MAGI2: variants seen among roughly 807,000 people sequenced by gnomAD.
MAGI2 encodes the protein membrane-associated guanylate kinase, WW and PDZ domain-containing protein 2.
A neutral mutation model predicts 133.3 loss-of-function variants in MAGI2; 35 were observed. That is an observed-to-expected ratio of 0.26 (90% CI 0.20 to 0.35). MAGI2 has a LOEUF of 0.35. MAGI2 is among the 10% of genes least tolerant of loss of function. The probability of loss-of-function intolerance (pLI) is 1.00; values close to 1 mark genes in which losing one functional copy is unlikely to be tolerated. For synonymous variants in MAGI2, 729 were observed against 710.6 expected (o/e 1.03, Z -0.41); for missense variants, 1,636 against 1,863.4 (o/e 0.88, Z 2.25).
intron 1 of MAGI2, among the ~76,000 whole-genome samples, chr7:79,213,694 A>G (rs922955197): frequency 1.3e-5 from 2 of 152,098 alleles, no homozygotes; most frequent in African/African-American, 4.8e-5. Flanking sequence ...GAAATAGAAC[A>G]TCTCTAATGG....
rs1006426021 is a variant in MAGI2 at position 79,304,981 on chromosome 7, T to C, written c.301+148039A>G. Among the ~76,000 whole-genome samples, 5 of 152,184 alleles carry C rather than the reference T, an allele frequency of 3.3e-5. No homozygotes were observed. The South Asian group carries it at 8.3e-4, about 25-fold the overall frequency. On this transcript the variant is annotated intron_variant, in intron 1 of 21. Coordinates refer to ENST00000354212, the MANE Select transcript of MAGI2 (RefSeq NM_012301.4). The stretch of plus-strand genomic sequence containing the variant: ...CAGACTCTAAGCAGGAAGTGATCTG[T>C]AACTCCACAGAGTACTTACAAACAA...
intron 2 of MAGI2, among the ~76,000 whole-genome samples, chr7:78,910,237 C>T (rs1374475198): frequency 2.0e-5 from 3 of 146,506 alleles, no homozygotes; most frequent in South Asian, 2.2e-4. Context: ...ACATTTTGCA[C>T]GTGAATCCTG....
intron 2 of MAGI2, among the ~76,000 whole-genome samples, chr7:78,955,386 C>A (rs970441828): frequency 6.6e-6 from 1 of 151,922 alleles, no homozygotes; most frequent in Non-Finnish European, 1.5e-5. Context: ...TAAAGCACAG[C>A]CTGTACTCAA....
intron 6 of MAGI2, among the ~76,000 whole-genome samples, chr7:78,382,350 C>A (rs965616322): frequency 1.4e-4 from 17 of 123,888 alleles, no homozygotes; most frequent in East Asian, 8.0e-4. Context: ...CTCTCTTATT[C>A]AAAAAAAAAA....
intron 1 of MAGI2, among the ~76,000 whole-genome samples, chr7:79,159,988 T>G (rs1209886181): frequency 6.6e-6 from 1 of 152,098 alleles, no homozygotes; most frequent in Non-Finnish European, 1.5e-5. Context: ...AGAAGGTACT[T>G]ATCAGATTGG....
chr7:78,922,668 T>A (rs1464760638), intron 2 of MAGI2, among the ~76,000 whole-genome samples: 2 of 152,204 alleles, frequency 1.3e-5, no homozygotes, highest in Non-Finnish European at 2.9e-5. Flanking sequence ...TGTATGTGTC[T>A]TTATAGCAGC....
At chr7:78,801,084 T>A (rs1436391418) in intron 2 of MAGI2, among the ~76,000 whole-genome samples, 1 of 152,184 alleles carries the variant, frequency 6.6e-6, no homozygotes, top group Admixed American at 6.6e-5. Context: ...TTGATCATAT[T>A]TGGGCAATGC....
At chr7:79,192,324 G>C (rs567484264) in intron 1 of MAGI2, among the ~76,000 whole-genome samples, 28 of 151,918 alleles carry the variant, frequency 1.8e-4, no homozygotes, top group Admixed American at 1.1e-3. Flanking sequence ...ACTTAAAAAA[G>C]TATCTCTAGA....
chr7:78,995,416 A>T (rs1806195787), intron 2 of MAGI2, among the ~76,000 whole-genome samples: 1 of 152,180 alleles, frequency 6.6e-6, no homozygotes, highest in Non-Finnish European at 1.5e-5. Flanking sequence ...ATATATTACA[A>T]TATTTCTAGC....
intron 20 of MAGI2, among the ~76,000 whole-genome samples, chr7:78,113,769 C>T (rs1819591553): frequency 6.6e-6 from 1 of 152,062 alleles, no homozygotes; most frequent in Non-Finnish European, 1.5e-5. Flanking sequence ...AGATGCATGC[C>T]TGTATTTTAA....
intron 6 of MAGI2, among the ~76,000 whole-genome samples, chr7:78,397,730 C>G (rs1796488228): frequency 6.6e-6 from 1 of 152,072 alleles, no homozygotes. Context: ...GATGGTGACT[C>G]CAGTTTCGCT....
intron 1 of MAGI2, among the ~76,000 whole-genome samples, chr7:79,328,271 C>T (rs1297775910): frequency 6.6e-6 from 1 of 152,068 alleles, no homozygotes; most frequent in Non-Finnish European, 1.5e-5. Context: ...TTGAATTTTG[C>T]TAAATACCTA....
intron 2 of MAGI2, among the ~76,000 whole-genome samples, chr7:78,648,823 T>C (rs917023162): frequency 2.0e-5 from 3 of 152,212 alleles, no homozygotes; most frequent in African/African-American, 4.8e-5. Flanking sequence ...AAATTTATTT[T>C]AGTTCCAGGA....
At chr7:78,469,512 C>G (rs1206903478) in intron 6 of MAGI2, among the ~76,000 whole-genome samples, 1 of 152,126 alleles carries the variant, frequency 6.6e-6, no homozygotes, top group Non-Finnish European at 1.5e-5. Flanking sequence ...TTAGTCCATA[C>G]TAATGAGACA....
chr7:78,047,656 A>G (rs1256790989), intron 21 of MAGI2, among the ~76,000 whole-genome samples: 1 of 152,084 alleles, frequency 6.6e-6, no homozygotes, highest in Non-Finnish European at 1.5e-5. Flanking sequence ...CATGGCTGCA[A>G]TATTGTCCTT....
chr7:78,167,946 G>A lies in MAGI2; in HGVS notation c.2566C>T (p.Leu856Phe), dbSNP rs1417385568. 1 of 1,614,102 alleles carries A rather than the reference G, an allele frequency of 6.2e-7. No homozygotes were observed. The highest frequency in any genetic ancestry group is 1.1e-5 in the South Asian group (1 of 91,080). Residue 856 changes from leucine (L) to phenylalanine (F), a missense_variant, in exon 15 of 22, where the codon CTC becomes TTC. Around this residue, in one of 5 missense-constraint regions of MAGI2, gnomAD observed 920 missense variants for 1,093.5 expected, o/e 0.84. Transcript: ENST00000354212. Reference protein sequence around the residue: ...HHAARNGQVNLTVRRKVLCGG... With the variant: ...HHAARNGQVNFTVRRKVLCGG... ...CATAGCACCTTTCTTCTCACAGTGA[G>A]GTTGACCTGCCCATTGCGGGCTGCG... is the stretch of plus-strand genomic sequence containing the variant.
At chr7:78,865,758 G>C (rs929525381) in intron 2 of MAGI2, among the ~76,000 whole-genome samples, 1 of 152,128 alleles carries the variant, frequency 6.6e-6, no homozygotes, top group African/African-American at 2.4e-5. Context: ...AGTAAATTTA[G>C]CCAATTCTTT....
At chr7:78,564,783 CTTT>C (rs35069216) in intron 3 of MAGI2, among the ~76,000 whole-genome samples, 797 of 64,174 alleles carry the variant, frequency 0.012, no homozygotes, top group South Asian at 0.015. Context: ...CTTTGACATT[CTTT>C]TTTTTTTTTT....
intron 2 of MAGI2, among the ~76,000 whole-genome samples, chr7:78,672,587 A>C (rs1287866660): frequency 6.6e-6 from 1 of 152,198 alleles, no homozygotes; most frequent in Non-Finnish European, 1.5e-5. Context: ...AACTGTTGAG[A>C]CATGTAATAA....
Sources: gnomAD v4.1 joint callset for allele counts (sites outside exome capture counted in the v4.1 genomes callset) on GRCh38, gnomAD v4.1.1 for gene constraint, gnomAD v4.1.1 regional missense constraint, MANE v1.5 for transcripts, NCBI Gene and HGNC (gene_info 2026-07-23, HGNC 2026-07-21) for gene names.